CDH8: variants seen among roughly 807,000 people sequenced by gnomAD.
The protein encoded by CDH8 is cadherin-8.
CDH8 carries 17 observed loss-of-function variants against 68.1 expected under a neutral mutation model. That is an observed-to-expected ratio of 0.25 (90% CI 0.17 to 0.37). The LOEUF is 0.37. Among genes scored for constraint, CDH8 ranks in the 10% least tolerant of loss-of-function variants. The probability of loss-of-function intolerance (pLI) is 1.00; values close to 1 mark genes in which losing one functional copy is unlikely to be tolerated. For missense variants in CDH8, 763 were observed against 999.3 expected, an observed-to-expected ratio of 0.76 and a Z score of 3.19; for synonymous variants, 372 against 365.1, an observed-to-expected ratio of 1.02 and a Z score of -0.21.
At chr16:61,923,873 C>CTA (rs1371791466) in intron 2 of CDH8, among the ~76,000 whole-genome samples, 1 of 146,286 alleles carries the variant, frequency 6.8e-6, no homozygotes, top group Admixed American at 6.9e-5. Flanking sequence ...TATATATTTA[C>CTA]TATATATATT....
At chr16:61,914,315 C>A (rs1964203998) in intron 2 of CDH8, among the ~76,000 whole-genome samples, 1 of 152,168 alleles carries the variant, frequency 6.6e-6, no homozygotes, top group Non-Finnish European at 1.5e-5. Flanking sequence ...TACTAATTAT[C>A]AATGAATACC....
chr16:62,013,396 G>GT (rs1901864034), intron 2 of CDH8, among the ~76,000 whole-genome samples: 1 of 151,932 alleles, frequency 6.6e-6, no homozygotes, highest in African/African-American at 2.4e-5. Context: ...GAATATGGGT[G>GT]TATGGGTGAG....
chr16:61,981,251 T>C (rs16964125), intron 2 of CDH8, among the ~76,000 whole-genome samples: 1,776 of 152,314 alleles, frequency 0.012, 41 homozygotes, highest in African/African-American at 0.041. Context: ...CAGAAACCAA[T>C]TGTACTGTGT....
intron 4 of CDH8, among the ~76,000 whole-genome samples, chr16:61,834,321 C>T (rs1269291254): frequency 6.6e-6 from 1 of 151,776 alleles, no homozygotes; most frequent in South Asian, 2.1e-4. Flanking sequence ...AGTCTTACTG[C>T]TTCAAGGCTC....
At chr16:61,990,942 C>CAG (rs536187295) in intron 2 of CDH8, among the ~76,000 whole-genome samples, 1 of 142,046 alleles carries the variant, frequency 7.0e-6, no homozygotes, top group Non-Finnish European at 1.5e-5. Flanking sequence ...AAGAAAGAAA[C>CAG]AGAGAGAGAG....
chr16:61,681,112 T>C (rs1238607815), intron 10 of CDH8, among the ~76,000 whole-genome samples: 2 of 151,868 alleles, frequency 1.3e-5, no homozygotes, highest in East Asian at 3.9e-4. Context: ...GGAAAACACT[T>C]TGGTAGTTTC....
intron 4 of CDH8, among the ~76,000 whole-genome samples, chr16:61,845,682 T>C (rs1038256114): frequency 7.2e-5 from 11 of 152,052 alleles, no homozygotes; most frequent in African/African-American, 2.4e-4. Flanking sequence ...AGATTCTGAA[T>C]GGCAAATTAC....
In CDH8 at chr16:61,651,177, A is replaced by C. The variant is rs1963314210; in HGVS notation, c.*2431T>G. 1 of 152,098 alleles carries C rather than the reference A, an allele frequency of 6.6e-6. No individual in the cohort carries two copies. The highest frequency in any genetic ancestry group is 6.6e-5 in the Admixed American group (1 of 15,262). The allele number at this position is 152,098 out of a possible 1,614,324, so 9.4% of individuals were successfully genotyped here. On this transcript the variant is annotated 3_prime_UTR_variant, in exon 12 of 12. Transcript: ENST00000577390. ...GTTCAAGAGATACATAAAACATAAT[A>C]ATCTCTCCTTGGTTTGGAAGGTGTA...
chr16:61,888,915 G>A (rs1161089604), intron 3 of CDH8, among the ~76,000 whole-genome samples: 1 of 152,116 alleles, frequency 6.6e-6, no homozygotes, highest in Non-Finnish European at 1.5e-5. Flanking sequence ...ACAATGATGA[G>A]ATCTGTAAAG....
Position 61,915,908 on chromosome 16 carries a change from A to G in CDH8, c.253-14435T>C, listed in dbSNP as rs575322018. On this transcript the variant is annotated intron_variant, in intron 2 of 11. Coordinates refer to ENST00000577390, the MANE Select transcript of CDH8 (RefSeq NM_001796.5). ...GGGGGTGGGGCATTTGCAGAAAACA[A>G]TGACAAGATGAAGAATTACTAGCTG... 5.9e-5 allele frequency among the ~76,000 whole-genome samples: 9 copies of G among 152,300 alleles called. No homozygotes were observed. In the South Asian group the frequency reaches 1.9e-3, roughly 32 times the overall value.
At chr16:61,798,539 T>C (rs934620920) in intron 7 of CDH8, among the ~76,000 whole-genome samples, 1 of 152,192 alleles carries the variant, frequency 6.6e-6, no homozygotes, top group African/African-American at 2.4e-5. Context: ...TAATTTTCTG[T>C]AACTTCAATG....
chr16:61,856,000 T>C (rs1978796), intron 4 of CDH8, among the ~76,000 whole-genome samples: 78,821 of 151,990 alleles, frequency 0.52, 22,053 homozygotes, highest in African/African-American at 0.74. Flanking sequence ...CTAAATTCAA[T>C]TTTACGCCCT....
intron 6 of CDH8, among the ~76,000 whole-genome samples, chr16:61,820,318 T>G (rs970612435): frequency 4.0e-4 from 58 of 146,306 alleles, no homozygotes; most frequent in African/African-American, 1.4e-3. Flanking sequence ...TGTTTGGTTT[T>G]TTTTTTTTTT....
chr16:61,769,457 A>G (rs992129912), intron 8 of CDH8, among the ~76,000 whole-genome samples: 4 of 151,850 alleles, frequency 2.6e-5, no homozygotes, highest in African/African-American at 9.7e-5. Context: ...TATCGTGGTC[A>G]GTTTACAATC....
At position 61,713,911 on chromosome 16, in the gene CDH8, T is replaced by C. The variant is rs1964674963; in HGVS notation, c.1584A>G (p.Gly528=). 6.2e-7 allele frequency: 1 copy of C among 1,610,000 alleles called. No homozygotes were observed. Among genetic ancestry groups the C allele is most frequent in the East Asian group, 2.2e-5 (1 of 44,756 alleles). ...GAAGGAGACTGTATAAGAAATAATG[T>C]CCGTTTTTGGGATCATCTTTGTCCA... ...SAMDKDDPKN[G]HYFLYSLLPE... is the part of the protein sequence containing the mutation. Residue 528 remains glycine (G), a synonymous_variant, in exon 10 of 12, where the codon GGA becomes GGG. Coordinates refer to ENST00000577390, the MANE Select transcript of CDH8 (RefSeq NM_001796.5).
rs139708607 is a variant in CDH8 at position 61,975,158 on chromosome 16, G to A, written c.252+45994C>T. On this transcript the variant is annotated intron_variant, in intron 2 of 11. Transcript: ENST00000577390. ...GTCTCAAGAAGCCATAAATCTCCTT[G>A]TCTTCCTTTACATCATCAAGGTTCA... is the stretch of plus-strand genomic sequence containing the variant. 2.9e-4 allele frequency among the ~76,000 whole-genome samples: 44 copies of A among 152,178 alleles called. 1 individual carries two copies. The East Asian group carries it at 8.3e-3, about 29-fold the overall frequency.
chr16:61,857,579 T>C (rs1597021856), intron 3 of CDH8, among the ~76,000 whole-genome samples: 1 of 152,282 alleles, frequency 6.6e-6, no homozygotes, highest in Middle Eastern at 3.4e-3. Flanking sequence ...AGGTTAATAA[T>C]ATAATATACC....
At chr16:61,880,688 G>A (rs1963558000) in intron 3 of CDH8, among the ~76,000 whole-genome samples, 2 of 152,146 alleles carry the variant, frequency 1.3e-5, no homozygotes, top group Non-Finnish European at 2.9e-5. Flanking sequence ...TGATGGAGAT[G>A]CCATGTTCAA....
intron 10 of CDH8, chr16:61,667,270 C>T (rs1963698686): frequency 6.6e-6 from 1 of 151,736 alleles, no homozygotes; most frequent in Non-Finnish European, 1.5e-5. Flanking sequence ...GTATATCTAG[C>T]CATAAAATAT....
Sources: gnomAD v4.1 joint callset for allele counts (sites outside exome capture counted in the v4.1 genomes callset) on GRCh38, gnomAD v4.1.1 for gene constraint, MANE v1.5 for transcripts, NCBI Gene and HGNC (gene_info 2026-07-23, HGNC 2026-07-21) for gene names.